The following ROBO1 variants were observed in gnomAD, a reference collection of about 807,000 sequenced individuals.
The protein encoded by ROBO1 is roundabout homolog 1.
ROBO1 carries 149 observed loss-of-function variants against 195.9 expected under a neutral mutation model. That is an observed-to-expected ratio of 0.76 (90% CI 0.67 to 0.87). ROBO1 has a LOEUF of 0.87. Among genes scored for constraint, ROBO1 ranks in the 40% least tolerant of loss-of-function variants. The pLI, the probability that ROBO1 is intolerant of heterozygous loss-of-function variation, is 0.00. For synonymous variants in ROBO1, 816 were observed against 733.2 expected (o/e 1.11, Z -1.82); for missense variants, 1,933 against 2,068.3 (o/e 0.93, Z 1.27).
chr3:79,504,100 T>C (rs1166150887), intron 2 of ROBO1, among the ~76,000 whole-genome samples: 2 of 152,152 alleles, frequency 1.3e-5, no homozygotes, highest in Non-Finnish European at 2.9e-5. Flanking sequence ...AAATTAACAA[T>C]TATAACAATA....
rs145496741 is a variant in ROBO1, at chr3:78,893,514, T to G, written c.499+45087A>C. The stretch of plus-strand genomic sequence containing the variant: ...CTGTTCCTTATAAATTACTCAGTCT[T>G]AGATATTTTATTGTAGCAGCACAGA... On this transcript the variant is annotated intron_variant, in intron 4 of 30. Transcript: ENST00000464233. Among the ~76,000 whole-genome samples the G allele has an allele frequency of 3.6e-4, 55 of 152,300 alleles. No individual in the cohort carries two copies. In the East Asian group the frequency reaches 0.01, roughly 28 times the overall value.
In ROBO1 at chr3:79,306,784, T is replaced by C. The variant is rs544381620; in HGVS notation, c.89-181245A>G. On this transcript the variant is annotated intron_variant, in intron 2 of 30. Coordinates refer to ENST00000464233, the MANE Select transcript of ROBO1 (RefSeq NM_002941.4). ...GCAATTTTCACTTACTAAAACCTAT[T>C]CAAGAGTAAAGCAGAGCCGTTCTTG... Among the ~76,000 whole-genome samples, 3 of 152,178 alleles carry C rather than the reference T, an allele frequency of 2.0e-5. No individual in the cohort carries two copies. The East Asian group carries it at 5.8e-4, about 29-fold the overall frequency.
chr3:78,990,072 G>T (rs1487150190), intron 3 of ROBO1, among the ~76,000 whole-genome samples: 6 of 152,014 alleles, frequency 3.9e-5, no homozygotes, highest in Non-Finnish European at 7.4e-5. Context: ...AAAGAAAGGA[G>T]AAATTATCAG....
chr3:79,339,661 A>G (rs1252580343), intron 2 of ROBO1, among the ~76,000 whole-genome samples: 3 of 152,116 alleles, frequency 2.0e-5, no homozygotes, highest in African/African-American at 7.2e-5. Context: ...GACATACTAT[A>G]TAAGGTGATT....
intron 2 of ROBO1, among the ~76,000 whole-genome samples, chr3:79,300,545 C>T (rs935784599): frequency 1.7e-4 from 26 of 152,296 alleles, no homozygotes; most frequent in African/African-American, 2.6e-4. Context: ...CCCCACTGAG[C>T]GCTGACCCCC....
intron 1 of ROBO1, among the ~76,000 whole-genome samples, chr3:79,676,245 T>C (rs1161531442): frequency 1.3e-5 from 2 of 152,112 alleles, no homozygotes; most frequent in East Asian, 3.9e-4. Context: ...AGAATACCCA[T>C]ATTTCTCACT....
intron 3 of ROBO1, among the ~76,000 whole-genome samples, chr3:78,954,477 A>G (rs1197150818): frequency 5.9e-5 from 9 of 152,096 alleles, no homozygotes; most frequent in Admixed American, 1.3e-4. Flanking sequence ...TTAGGTCTGA[A>G]AATAGAATAT....
chr3:78,602,468 C>T (rs771972933), intron 29 of ROBO1, among the ~76,000 whole-genome samples: 12 of 152,116 alleles, frequency 7.9e-5, no homozygotes, highest in Non-Finnish European at 1.6e-4. Context: ...ATAAATTACC[C>T]AGTCTCAGGT....
rs572217950 is a variant in ROBO1 at position 79,567,668 on chromosome 3, A to G, written c.88+22156T>C. ...TATTAAAAAGAAATTAACCGTACCCATATGATATTCCCTTTAAATATGAGT... is the reference window on the plus strand; with the variant it reads ...TATTAAAAAGAAATTAACCGTACCCGTATGATATTCCCTTTAAATATGAGT... On this transcript the variant is annotated intron_variant, in intron 2 of 30. Transcript: ENST00000464233. Among the ~76,000 whole-genome samples the G allele has an allele frequency of 4.1e-4, 62 of 152,296 alleles. 1 individual carries two copies. The highest frequency in any genetic ancestry group is 6.8e-4 in the Non-Finnish European group (46 of 68,022).
chr3:78,884,258 T>A (rs1325732810), intron 4 of ROBO1, among the ~76,000 whole-genome samples: 1 of 152,076 alleles, frequency 6.6e-6, no homozygotes, highest in African/African-American at 2.4e-5. Context: ...ACAGAAGCAA[T>A]GCAGTGGAAA....
At chr3:79,505,470 G>A (rs750365361) in intron 2 of ROBO1, among the ~76,000 whole-genome samples, 2 of 152,188 alleles carry the variant, frequency 1.3e-5, no homozygotes, top group Non-Finnish European at 2.9e-5. Context: ...CAAGGTATAT[G>A]TTCTCCAAAG....
At chr3:79,475,228 A>G (rs969767399) in intron 2 of ROBO1, among the ~76,000 whole-genome samples, 8 of 151,922 alleles carry the variant, frequency 5.3e-5, no homozygotes, top group South Asian at 4.1e-4. Context: ...GTTTTGAATC[A>G]TAAGGGTCAG....
At chr3:79,011,635 T>A (rs1421537616) in intron 3 of ROBO1, among the ~76,000 whole-genome samples, 5 of 150,014 alleles carry the variant, frequency 3.3e-5, no homozygotes, top group Non-Finnish European at 7.4e-5. Context: ...GTTGGTGTTT[T>A]ATATATATTT....
At chr3:79,050,776 C>T (rs1190783702) in intron 3 of ROBO1, among the ~76,000 whole-genome samples, 1 of 152,128 alleles carries the variant, frequency 6.6e-6, no homozygotes, top group African/African-American at 2.4e-5. Flanking sequence ...TGCACAACTA[C>T]ATGGAAATAG....
At chr3:79,694,036 G>C (rs1348288323) in intron 1 of ROBO1, among the ~76,000 whole-genome samples, 1 of 151,464 alleles carries the variant, frequency 6.6e-6, no homozygotes, top group Non-Finnish European at 1.5e-5. Context: ...GAAAAATAGA[G>C]GCCTAATACT....
intron 3 of ROBO1, among the ~76,000 whole-genome samples, chr3:79,076,896 CTT>C (rs2079183402): frequency 6.6e-6 from 1 of 151,806 alleles, no homozygotes; most frequent in South Asian, 2.1e-4. Context: ...TCATATTTAA[CTT>C]AGTCATATTT....
intron 3 of ROBO1, among the ~76,000 whole-genome samples, chr3:79,046,297 G>A (rs2078590820): frequency 6.6e-6 from 1 of 151,972 alleles, no homozygotes. Context: ...AGCCACCTGA[G>A]GGAGCTTGCA....
intron 2 of ROBO1, among the ~76,000 whole-genome samples, chr3:79,434,781 C>G (rs1164685708): frequency 6.6e-6 from 1 of 152,044 alleles, no homozygotes; most frequent in East Asian, 1.9e-4. Context: ...TATTGTGGCA[C>G]TATTCACAAT....
At chr3:79,559,446 T>C (rs1225164278) in intron 2 of ROBO1, among the ~76,000 whole-genome samples, 5 of 152,192 alleles carry the variant, frequency 3.3e-5, no homozygotes. Context: ...TGAAGTTAAA[T>C]GCTCTTGGGC....
Sources: gnomAD v4.1 joint callset for allele counts (sites outside exome capture counted in the v4.1 genomes callset) on GRCh38, gnomAD v4.1.1 for gene constraint, MANE v1.5 for transcripts, NCBI Gene and HGNC (gene_info 2026-07-23, HGNC 2026-07-21) for gene names.